Variants in NEDD1 observed in about 807,000 individuals in gnomAD.
NEDD1 encodes the protein NEDD1 gamma-tubulin ring complex targeting factor.
NEDD1 carries 33 observed loss-of-function variants against 74.0 expected under a neutral mutation model. The ratio of observed to expected loss-of-function variants is 0.45; its 90% confidence interval spans 0.34 to 0.60. The LOEUF (loss-of-function observed/expected upper bound fraction) is 0.60, where lower values mean the gene tolerates loss of function less well. Ranked by LOEUF, NEDD1 falls within the 20% of genes least tolerant of loss-of-function variation. The pLI, the probability that NEDD1 is intolerant of heterozygous loss-of-function variation, is 0.01. For synonymous variants in NEDD1, 250 were observed against 264.4 expected (o/e 0.95, Z 0.53); for missense variants, 746 against 776.5 (o/e 0.96, Z 0.47).
chr12:96,935,625 A>C (rs1450198920), intron 7 of NEDD1, among the ~76,000 whole-genome samples: 1 of 152,146 alleles, frequency 6.6e-6, no homozygotes, highest in African/African-American at 2.4e-5. Context: ...ATTCATCAGC[A>C]TCCCTGGCCT....
In NEDD1 at chr12:96,930,222, C is replaced by CTT. The variant is rs1322473663; in HGVS notation, c.490-4753_490-4752insTT. Among the ~76,000 whole-genome samples the CTT allele has an allele frequency of 1.2e-4, 18 of 145,612 alleles. No homozygotes were observed. In the South Asian group the frequency reaches 2.1e-3, roughly 17 times the overall value. On this transcript the variant is annotated intron_variant, in intron 6 of 15. Coordinates refer to ENST00000266742, the MANE Select transcript of NEDD1 (RefSeq NM_152905.4). ...ACACACACACACACACTCTCTCTCT[C>CTT]TCTCTCTCTCTCTCTCTCTCTCACA...
At chr12:96,932,442 T>TAAAAAAAAAAAAAAAAAA (rs747225218) in intron 6 of NEDD1, among the ~76,000 whole-genome samples, 1 of 10,656 alleles carries the variant, frequency 9.4e-5, no homozygotes, top group African/African-American at 6.3e-4. Flanking sequence ...TCCTGTCTCT[T>TAAAAAAAAAAAAAAAAAA]AAAAAAAAAA....
chr12:96,937,722 A>G (rs1877272366), intron 9 of NEDD1, among the ~76,000 whole-genome samples: 1 of 152,174 alleles, frequency 6.6e-6, no homozygotes, highest in Non-Finnish European at 1.5e-5. Context: ...TCTTCAGATT[A>G]ACCAGTAGAA....
At chr12:96,939,454 G>A (rs897489400) in intron 9 of NEDD1, among the ~76,000 whole-genome samples, 6 of 152,068 alleles carry the variant, frequency 3.9e-5, no homozygotes, top group African/African-American at 7.2e-5. Flanking sequence ...TATAGCAGGT[G>A]TTATTAGAAA....
At chr12:96,918,330 A>G (rs140586470) in intron 5 of NEDD1, among the ~76,000 whole-genome samples, 84 of 151,936 alleles carry the variant, frequency 5.5e-4, no homozygotes, top group Non-Finnish European at 9.0e-4. Flanking sequence ...TTGGAATTCT[A>G]CTTTTCATTA....
intron 2 of NEDD1, 137 bp from the exon 3 acceptor site, chr12:96,909,615 A>T (rs1592849736): frequency 1.5e-6 from 1 of 653,894 alleles, no homozygotes; most frequent in East Asian, 2.8e-5. Context: ...AAATCACTTC[A>T]ACTGCTTTGG....
In NEDD1 at chr12:96,907,714, G is replaced by GTTGA; in HGVS notation, c.-150_-147dup. 6.4e-7 allele frequency: 1 copy of GTTGA among 1,550,480 alleles called. No homozygotes were observed. Among genetic ancestry groups the GTTGA allele is most frequent in the Admixed American group, 2.0e-5 (1 of 50,964 alleles). ...ACTTTCATTTCAGCTGAGTGGTGTAGTTGAATTGGTTCCTGTAGCCGCTGT... is the reference window on the plus strand; with the variant it reads ...ACTTTCATTTCAGCTGAGTGGTGTAGTTGATTGAATTGGTTCCTGTAGCCGCTGT... On this transcript the variant is annotated 5_prime_UTR_variant, in exon 2 of 16. Coordinates refer to ENST00000266742, the MANE Select transcript of NEDD1 (RefSeq NM_152905.4).
intron 6 of NEDD1, among the ~76,000 whole-genome samples, chr12:96,927,053 C>T (rs573356772): frequency 4.1e-4 from 62 of 151,546 alleles, no homozygotes; most frequent in African/African-American, 1.5e-3. Flanking sequence ...ATAAAAATTT[C>T]AAATCTGTCA....
chr12:96,916,053 G>T (rs1565787089), intron 4 of NEDD1, among the ~76,000 whole-genome samples: 1 of 152,076 alleles, frequency 6.6e-6, no homozygotes, highest in Non-Finnish European at 1.5e-5. Flanking sequence ...TAGCTGTGTA[G>T]AAGCCTTGAG....
chr12:96,916,230 TTTATTATTATTATTA>T (rs140210892), intron 4 of NEDD1, among the ~76,000 whole-genome samples: 3 of 145,418 alleles, frequency 2.1e-5, no homozygotes, highest in East Asian at 2.0e-4. Context: ...CCGTTGAAGA[TTTATTATTATTATTA>T]TTATTATTAT....
intron 14 of NEDD1, among the ~76,000 whole-genome samples, chr12:96,948,346 A>C (rs1037543234): frequency 3.3e-5 from 5 of 152,144 alleles, no homozygotes; most frequent in African/African-American, 1.2e-4. Context: ...ATTCTAAACT[A>C]TCAAGCAGTG....
chr12:96,945,001 T>C (rs1385121873), intron 13 of NEDD1, among the ~76,000 whole-genome samples: 1 of 152,112 alleles, frequency 6.6e-6, no homozygotes. Flanking sequence ...ATTTGATCTT[T>C]TGGTGTGAAT....
intron 10 of NEDD1, among the ~76,000 whole-genome samples, 185 bp downstream of exon 10, chr12:96,940,722 C>G (rs1877582909): frequency 6.6e-6 from 1 of 151,966 alleles, no homozygotes; most frequent in Admixed American, 6.6e-5. Flanking sequence ...AAAATATATG[C>G]TGGTAATTTT....
rs1016923241 is a variant in NEDD1, at chr12:96,916,321, C to T, written c.232-1300C>T. Among the ~76,000 whole-genome samples the T allele has an allele frequency of 4.4e-3, 641 of 146,924 alleles. 8 individuals carry two copies. The highest frequency in any genetic ancestry group is 0.015 in the African/African-American group (589 of 39,790). On this transcript the variant is annotated intron_variant, in intron 4 of 15. Transcript: ENST00000266742. ...GCACATTGTGCAGGTTAGTTACATA[C>T]GTATACATGTGCCATGCTGGTGCGC...
At chr12:96,950,967 A>G (rs961013860) in intron 14 of NEDD1, among the ~76,000 whole-genome samples, 5 of 151,856 alleles carry the variant, frequency 3.3e-5, no homozygotes, top group East Asian at 1.9e-4. Context: ...CATTTTTTCA[A>G]TAGCTAAACT....
chr12:96,937,361 G>T lies in NEDD1; in HGVS notation c.1085G>T (p.Gly362Val), dbSNP rs1419414714. ...VLPQPMTSAMGKGTVAVQEKA... is the reference protein window; with the variant it reads ...VLPQPMTSAMVKGTVAVQEKA... Reference sequence around the variant, plus strand: ...CCACAACCTATGACATCAGCTATGGGGAAAGGAACAGTTGCTGTTCAAGAA... The same window carrying T: ...CCACAACCTATGACATCAGCTATGGTGAAAGGAACAGTTGCTGTTCAAGAA... Residue 362 changes from glycine (G) to valine (V), a missense_variant, in exon 9 of 16, where the codon GGG becomes GTG. Transcript: ENST00000266742. 11 of 1,606,888 alleles carry T rather than the reference G, an allele frequency of 6.8e-6. No individual in the cohort carries two copies. The highest frequency in any genetic ancestry group is 9.3e-6 in the Non-Finnish European group (11 of 1,176,512).
rs777081387 is a variant in NEDD1 at position 96,909,765 on chromosome 12, G to A, written c.6G>A (p.Gln2=). 1 of 1,611,834 alleles carries A rather than the reference G, an allele frequency of 6.2e-7. No homozygotes were observed. Among genetic ancestry groups the A allele is most frequent in the Non-Finnish European group, 8.5e-7 (1 of 1,178,766 alleles). M[Q]ENLRFASSGD... ...AACTATTTGTAGGCGCAGTCATGCA[G>A]GAAAACCTCAGATTTGCTTCATCAG... The change falls in exon 3 of 16, where the codon CAG becomes CAA. Residue 2 remains glutamine, a synonymous_variant. Coordinates refer to ENST00000266742, the MANE Select transcript of NEDD1 (RefSeq NM_152905.4).
intron 7 of NEDD1, among the ~76,000 whole-genome samples, chr12:96,936,385 T>C (rs1365159575): frequency 8.3e-6 from 1 of 120,070 alleles, no homozygotes; most frequent in South Asian, 2.9e-4. Context: ...TGGAAGTGAA[T>C]AGAAAAGTAA....
At chr12:96,912,631 T>G in intron 3 of NEDD1, 92 bp from the exon 4 acceptor site, 1 of 670,936 alleles carries the variant, frequency 1.5e-6, no homozygotes, top group Non-Finnish European at 2.7e-6. Context: ...CTTGTCTTCT[T>G]AGTGTGTTAG....
Sources: gnomAD v4.1 joint callset for allele counts (sites outside exome capture counted in the v4.1 genomes callset) on GRCh38, gnomAD v4.1.1 for gene constraint, MANE v1.5 for transcripts, NCBI Gene and HGNC (gene_info 2026-07-23, HGNC 2026-07-21) for gene names.